ATXN1: variants seen among roughly 807,000 people sequenced by gnomAD.
The protein encoded by ATXN1 is ataxin-1.
Under a neutral mutation model 56.4 loss-of-function variants are expected in ATXN1, and 8 were observed. That is an observed-to-expected ratio of 0.14 (90% CI 0.08 to 0.26). The LOEUF (loss-of-function observed/expected upper bound fraction) is 0.26. Ranked by LOEUF, ATXN1 falls within the 10% of genes least tolerant of loss-of-function variation. The probability of loss-of-function intolerance (pLI) is 1.00; values close to 1 mark genes in which losing one functional copy is unlikely to be tolerated. For missense variants in ATXN1, 987 were observed against 1,106.5 expected (o/e 0.89, Z 1.53); for synonymous variants, 514 against 494.6 (o/e 1.04, Z -0.52).
chr6:16,679,378 GGATGGATGGAT>G (rs1758765581), intron 2 of ATXN1, among the ~76,000 whole-genome samples: 1 of 30,056 alleles, frequency 3.3e-5, no homozygotes, highest in Non-Finnish European at 6.4e-5. Context: ...GTGGGTGGAT[GGATGGATGGAT>G]GGATGGATGG....
intron 3 of ATXN1, among the ~76,000 whole-genome samples, chr6:16,622,867 T>G (rs1342151723): frequency 6.6e-6 from 1 of 152,164 alleles, no homozygotes. Flanking sequence ...TTCTAGCCTT[T>G]TTTTTTTAAC....
intron 4 of ATXN1, among the ~76,000 whole-genome samples, chr6:16,541,247 C>T (rs1182316423): frequency 2.0e-5 from 3 of 152,286 alleles, no homozygotes; most frequent in East Asian, 3.9e-4. Context: ...ACTACTAGGA[C>T]ACCTGACCCA....
intron 3 of ATXN1, among the ~76,000 whole-genome samples, chr6:16,607,744 C>CTTTGCTCA (rs1219614744): frequency 1.3e-5 from 2 of 152,174 alleles, no homozygotes; most frequent in Admixed American, 1.3e-4. Flanking sequence ...AAAGATGGCT[C>CTTTGCTCA]TTTGCTCATT....
chr6:16,760,320 T>C lies in ATXN1; in HGVS notation c.-730+978A>G, dbSNP rs1214375867. ...AGCCGCGCAGCCGTTCACTCCCGGC[T>C]CAGGGCAGCGCCTGCCGCGGCTCCT... On this transcript the variant is annotated intron_variant, in intron 1 of 7. Coordinates refer to ENST00000436367, the MANE Select transcript of ATXN1 (RefSeq NM_001128164.2). The surrounding 1 kb of genome is among the most constrained non-coding windows in gnomAD (Gnocchi z 5.3). 6.6e-6 allele frequency among the ~76,000 whole-genome samples: 1 copy of C among 151,662 alleles called. No homozygotes were observed. The highest frequency in any genetic ancestry group is 1.5e-5 in the Non-Finnish European group (1 of 67,826).
chr6:16,316,789 T>C (rs1377938878), intron 7 of ATXN1, among the ~76,000 whole-genome samples: 2 of 151,182 alleles, frequency 1.3e-5, no homozygotes, highest in African/African-American at 2.4e-5. Flanking sequence ...GAAAGAATAG[T>C]TCTGTTTGCC....
At chr6:16,428,625 GA>G (rs1759210734) in intron 6 of ATXN1, among the ~76,000 whole-genome samples, 2 of 152,076 alleles carry the variant, frequency 1.3e-5, no homozygotes, top group South Asian at 4.1e-4. Context: ...TGCAAATGAG[GA>G]AAGGAGACAG....
At chr6:16,670,728 T>C (rs946703273) in intron 2 of ATXN1, among the ~76,000 whole-genome samples, 1 of 152,202 alleles carries the variant, frequency 6.6e-6, no homozygotes, top group Admixed American at 6.5e-5. Flanking sequence ...TTCAAAACAC[T>C]ACTAGAAGTC....
intron 7 of ATXN1, among the ~76,000 whole-genome samples, chr6:16,308,289 T>G (rs1410497822): frequency 1.3e-5 from 2 of 149,080 alleles, no homozygotes; most frequent in Non-Finnish European, 3.0e-5. Context: ...TCATGCCACT[T>G]CACTCCAGCC....
intron 2 of ATXN1, among the ~76,000 whole-genome samples, chr6:16,714,852 C>T (rs1436695265): frequency 6.6e-6 from 1 of 152,076 alleles, no homozygotes; most frequent in Non-Finnish European, 1.5e-5. Flanking sequence ...CCAGGAGTTA[C>T]GGGGCGTGGA....
At chr6:16,456,452 G>A (rs1372982851) in intron 6 of ATXN1, among the ~76,000 whole-genome samples, 1 of 152,190 alleles carries the variant, frequency 6.6e-6, no homozygotes. Flanking sequence ...ACCCCCGACT[G>A]TTTGGAGTCA....
chr6:16,753,045 ATACTT>A (rs1313591119), intron 2 of ATXN1, 183 bp downstream of exon 2: 4 of 351,166 alleles, frequency 1.1e-5, no homozygotes, highest in Admixed American at 3.9e-5. Flanking sequence ...AAATAGATAG[ATACTT>A]TAATCGAAGT....
At chr6:16,456,046 C>A (rs1440664106) in intron 6 of ATXN1, among the ~76,000 whole-genome samples, 1 of 152,174 alleles carries the variant, frequency 6.6e-6, no homozygotes, top group African/African-American at 2.4e-5. Context: ...GCGGGCCACC[C>A]CAGCCAGCAG....
chr6:16,438,124 G>A (rs1759431924), intron 6 of ATXN1, among the ~76,000 whole-genome samples: 1 of 152,210 alleles, frequency 6.6e-6, no homozygotes, highest in Non-Finnish European at 1.5e-5. Flanking sequence ...CTATGAGAAA[G>A]AATCTAATGC....
At chr6:16,692,629 G>T (rs73367694) in intron 2 of ATXN1, among the ~76,000 whole-genome samples, 1,509 of 148,322 alleles carry the variant, frequency 0.01, 20 homozygotes, top group African/African-American at 0.034. Flanking sequence ...ATAATAATAA[G>T]AAGAAGACCA....
rs367767227 is a variant in ATXN1, at chr6:16,478,724, A to AT, written c.-161+7247dup. ...TGGATTTTAGCCCTGGAGAAATTAC[A>AT]TTTTTTTTTTCAATTCTATGCAAGC... On this transcript the variant is annotated intron_variant, in intron 6 of 7. Coordinates refer to ENST00000436367, the MANE Select transcript of ATXN1 (RefSeq NM_001128164.2). Among the ~76,000 whole-genome samples the AT allele has an allele frequency of 6.6e-3, 990 of 150,326 alleles. 3 individuals carry two copies. Among genetic ancestry groups the AT allele is most frequent in the Middle Eastern group, 0.014 (4 of 290 alleles).
At chr6:16,750,703 C>T (rs1467983963) in intron 2 of ATXN1, among the ~76,000 whole-genome samples, 3 of 152,128 alleles carry the variant, frequency 2.0e-5, no homozygotes, top group South Asian at 2.1e-4. Flanking sequence ...CAATAAGCTG[C>T]CCATATTGAC....
rs561721003 is a variant in ATXN1, at chr6:16,326,843, G to C, written c.1468C>G (p.Leu490Val). The change falls in exon 7 of 8, where the codon CTG (leucine) becomes GTG (valine). Residue 490 changes from leucine (L) to valine (V), a missense_variant. Physicochemically the swap from Leu to Val is conservative, Grantham distance 32. This residue lies in a region of ATXN1 where 723 missense variants were observed against 791.7 expected (regional missense o/e 0.91). Transcript: ENST00000436367. The surrounding 1 kb of genome is among the most constrained non-coding windows in gnomAD (Gnocchi z 6.6). ...TCAGTGCTGCCGACCGGGATGAGCA[G>C]GGGCTGTGTGCCGGGGATCACCAGG... ...QHLVIPGTQPLLIPVGSTDME... is the reference protein window; with the variant it reads ...QHLVIPGTQPVLIPVGSTDME... The C allele has an allele frequency of 8.7e-6, 14 of 1,609,222 alleles. No homozygotes were observed. In the East Asian group the frequency reaches 3.1e-4, roughly 36 times the overall value.
At chr6:16,578,526 C>G (rs1050069563) in intron 4 of ATXN1, among the ~76,000 whole-genome samples, 2 of 152,192 alleles carry the variant, frequency 1.3e-5, no homozygotes, top group African/African-American at 4.8e-5. Flanking sequence ...TGGAATTAAA[C>G]AGAAGAGTTT....
rs573558966 is a variant in ATXN1 at position 16,705,618 on chromosome 6, T to C, written c.-615+47615A>G. 4.6e-5 allele frequency among the ~76,000 whole-genome samples: 7 copies of C among 152,270 alleles called. No individual in the cohort carries two copies. The South Asian group carries it at 1.5e-3, about 32-fold the overall frequency. On this transcript the variant is annotated intron_variant, in intron 2 of 7. Transcript: ENST00000436367. ...TCAAGTCCTCTAAATCCTTGCTTAT[T>C]AACATCTCTCCAATCTGCTCATTCT...
Sources: allele counts gnomAD v4.1 joint callset (sites outside exome capture counted in the v4.1 genomes callset), GRCh38; gene constraint gnomAD v4.1.1; regional missense constraint gnomAD v4.1.1; non-coding constraint Gnocchi (gnomAD v3.1); transcripts MANE v1.5; gene names NCBI Gene and HGNC (gene_info 2026-07-23, HGNC 2026-07-21).